Variants in TENM4 observed in about 807,000 individuals in gnomAD.
The protein encoded by TENM4 is teneurin transmembrane protein 4, also known as teneurin-4.
Under a neutral mutation model 243.3 loss-of-function variants are expected in TENM4, and 82 were observed. That is an observed-to-expected ratio of 0.34 (90% CI 0.28 to 0.40). The LOEUF (loss-of-function observed/expected upper bound fraction) is 0.40. TENM4 is among the 10% of genes least tolerant of loss of function. The pLI is 1.00. For synonymous variants in TENM4, 1,412 were observed against 1,456.3 expected, an observed-to-expected ratio of 0.97 and a Z score of 0.69; for missense variants, 3,138 against 3,673.3, an observed-to-expected ratio of 0.85 and a Z score of 3.77.
intron 1 of TENM4, among the ~76,000 whole-genome samples, chr11:79,316,648 A>G (rs929275229): frequency 3.9e-5 from 6 of 152,234 alleles, no homozygotes; most frequent in Non-Finnish European, 7.3e-5. Context: ...CTGATTTCAT[A>G]TACTGAGAAT....
At position 79,138,808 on chromosome 11, in the gene TENM4, C is replaced by CATT. The variant is rs1156564981; in HGVS notation, c.-66+9901_-66+9902insAAT. 1.1e-4 allele frequency among the ~76,000 whole-genome samples: 10 copies of CATT among 90,950 alleles called. 1 individual carries two copies. The highest frequency in any genetic ancestry group is 3.0e-4 in the South Asian group (1 of 3,336). 59.7% of individuals were successfully genotyped at this position (90,950 alleles called of 152,430 possible). ...TATTTATATAAATACATAAAACATACATATTTATATAAATATACAAAACAT... is the reference window on the plus strand; with the variant it reads ...TATTTATATAAATACATAAAACATACATTATATTTATATAAATATACAAAACAT... On this transcript the variant is annotated intron_variant, in intron 4 of 33. Transcript: ENST00000278550.
At chr11:79,304,948 C>G (rs527774) in intron 1 of TENM4, among the ~76,000 whole-genome samples, 1 of 152,118 alleles carries the variant, frequency 6.6e-6, no homozygotes, top group Non-Finnish European at 1.5e-5. Context: ...CATACTGTCA[C>G]TTCTTTTCAG....
chr11:79,243,328 C>T (rs190755934), intron 2 of TENM4, among the ~76,000 whole-genome samples: 2 of 152,224 alleles, frequency 1.3e-5, no homozygotes, highest in East Asian at 1.9e-4. Flanking sequence ...TCGTTGTACT[C>T]GGACACATCT....
chr11:79,398,192 A>T lies in TENM4; in HGVS notation c.-321+42317T>A, dbSNP rs546587348. 1.6e-4 allele frequency among the ~76,000 whole-genome samples: 25 copies of T among 151,926 alleles called. 2 individuals carry two copies. The South Asian group carries it at 4.8e-3, about 29-fold the overall frequency. ...TACTTTTTTTTTCCTATGCTTTGCA[A>T]CTCCCCACCTCATGTGTCCTTTAAT... On this transcript the variant is annotated intron_variant, in intron 1 of 33. Transcript: ENST00000278550.
intron 6 of TENM4, among the ~76,000 whole-genome samples, chr11:78,929,068 A>G (rs1319319091): frequency 6.6e-6 from 1 of 152,226 alleles, no homozygotes; most frequent in Non-Finnish European, 1.5e-5. Context: ...CTGCACCTGC[A>G]GCTGGGCAGC....
chr11:79,120,794 C>A (rs1316733415), intron 4 of TENM4, among the ~76,000 whole-genome samples: 1 of 152,148 alleles, frequency 6.6e-6, no homozygotes, highest in African/African-American at 2.4e-5. Context: ...CAACCAAAAC[C>A]ACTACCATAA....
chr11:79,070,068 C>G, intron 4 of TENM4, 59 bp from the exon 5 acceptor site: 1 of 1,454,676 alleles, frequency 6.9e-7, no homozygotes. Context: ...CCGGGTTCAT[C>G]CTGGTCCTGG....
intron 2 of TENM4, among the ~76,000 whole-genome samples, chr11:79,295,275 C>G (rs1168035431): frequency 6.6e-6 from 1 of 152,172 alleles, no homozygotes; most frequent in African/African-American, 2.4e-5. Flanking sequence ...ACTCTGGGAA[C>G]CAGCTCTCCT....
intron 4 of TENM4, among the ~76,000 whole-genome samples, chr11:79,091,042 C>T (rs367620529): frequency 6.6e-6 from 1 of 152,152 alleles, no homozygotes; most frequent in African/African-American, 2.4e-5. Context: ...CAGACGCTGG[C>T]AGTCAGGAGA....
At chr11:78,916,802 T>C (rs183985437) in intron 6 of TENM4, among the ~76,000 whole-genome samples, 4 of 152,286 alleles carry the variant, frequency 2.6e-5, no homozygotes, top group Admixed American at 6.5e-5. Context: ...GGCCCTAGCA[T>C]TGGGGTCAAC....
At chr11:79,362,811 T>C (rs146431467) in intron 1 of TENM4, among the ~76,000 whole-genome samples, 1 of 152,222 alleles carries the variant, frequency 6.6e-6, no homozygotes, top group Non-Finnish European at 1.5e-5. Flanking sequence ...TGTTGGAGGA[T>C]TAAATGAAAT....
chr11:78,653,653 G>A lies in TENM4; in HGVS notation c.*4405C>T, dbSNP rs74581114. 12,157 of 152,296 alleles carry A rather than the reference G, an allele frequency of 0.08. 681 individuals carry two copies. Among genetic ancestry groups the A allele is most frequent in the African/African-American group, 0.15 (6,282 of 41,532 alleles). 9.4% of individuals were successfully genotyped at this position (152,296 alleles called of 1,614,324 possible). ...GTGAATCCAGGGCTGCTGGGGCACC[G>A]CCAGACACCTGAGGCTCAGCTCCTG... On this transcript the variant is annotated 3_prime_UTR_variant, in exon 34 of 34. Transcript: ENST00000278550.
intron 4 of TENM4, among the ~76,000 whole-genome samples, chr11:79,135,281 A>G (rs560891080): frequency 6.6e-6 from 1 of 152,300 alleles, no homozygotes; most frequent in South Asian, 2.1e-4. Context: ...AATGCAAATC[A>G]AAACCACAAT....
Position 79,022,607 on chromosome 11 carries a change from CAATT to C in TENM4, c.493+42127_493+42130del, listed in dbSNP as rs1004874070. Among the ~76,000 whole-genome samples the C allele has an allele frequency of 2.2e-4, 34 of 152,256 alleles. 1 individual carries two copies. Among genetic ancestry groups the C allele is most frequent in the African/African-American group, 8.2e-4 (34 of 41,530 alleles). On this transcript the variant is annotated intron_variant, in intron 6 of 33. Coordinates refer to ENST00000278550, the MANE Select transcript of TENM4 (RefSeq NM_001098816.3). The stretch of plus-strand genomic sequence containing the variant: ...GAATAAAGGGTCCTGTCTGGAAATG[CAATT>C]ATTTCCAAATAAAAGGTTTTTAAAA...
intron 25 of TENM4, among the ~76,000 whole-genome samples, chr11:78,715,879 C>G (rs1321753726): frequency 1.3e-5 from 2 of 152,058 alleles, no homozygotes; most frequent in South Asian, 2.1e-4. Flanking sequence ...TCTATGATGC[C>G]CATCTAGACT....
chr11:79,100,588 G>A (rs186094886), intron 4 of TENM4, among the ~76,000 whole-genome samples: 4 of 152,162 alleles, frequency 2.6e-5, no homozygotes, highest in East Asian at 1.9e-4. Context: ...CATTTCCCAC[G>A]ACATCATCCC....
chr11:79,092,273 T>A (rs1235531568), intron 4 of TENM4, among the ~76,000 whole-genome samples: 1 of 152,232 alleles, frequency 6.6e-6, no homozygotes, highest in Non-Finnish European at 1.5e-5. Flanking sequence ...TACATGTTCT[T>A]GACACAGGTT....
At chr11:78,922,068 G>C (rs2136389536) in intron 6 of TENM4, among the ~76,000 whole-genome samples, 1 of 152,324 alleles carries the variant, frequency 6.6e-6, no homozygotes, top group African/African-American at 2.4e-5. Context: ...AGTGACTGAT[G>C]TTTTCTTGCA....
intron 5 of TENM4, among the ~76,000 whole-genome samples, chr11:79,069,021 C>A (rs558363164): frequency 6.0e-4 from 91 of 152,198 alleles, no homozygotes; most frequent in African/African-American, 2.1e-3. Context: ...GTGGTTAATC[C>A]TCCAAGAAAA....
Sources: gnomAD v4.1 joint callset for allele counts (sites outside exome capture counted in the v4.1 genomes callset) on GRCh38, gnomAD v4.1.1 for gene constraint, MANE v1.5 for transcripts, NCBI Gene and HGNC (gene_info 2026-07-23, HGNC 2026-07-21) for gene names.